Variants in CCDC13 observed in about 807,000 individuals in gnomAD.
CCDC13 encodes the protein coiled-coil domain-containing protein 13.
CCDC13 carries 70 observed loss-of-function variants against 87.3 expected under a neutral mutation model. The ratio of observed to expected loss-of-function variants is 0.80; its 90% CI spans 0.66 to 0.98. The LOEUF is 0.98. Ranked by LOEUF, CCDC13 falls within the 50% of genes least tolerant of loss-of-function variation. The pLI, the probability that CCDC13 is intolerant of heterozygous loss-of-function variation, is 0.00. For missense variants in CCDC13, 842 were observed against 892.0 expected (o/e 0.94, Z 0.71); for synonymous variants, 317 against 360.3 (o/e 0.88, Z 1.36).
chr3:42,706,061 T>G lies in CCDC13; in HGVS notation c.*2919A>C, dbSNP rs890393507. On this transcript the variant is annotated 3_prime_UTR_variant, in exon 16 of 16. Coordinates refer to ENST00000310232, the MANE Select transcript of CCDC13 (RefSeq NM_144719.4). Reference sequence around the variant, plus strand: ...TCCCCACCCAGCTCCATCATGGCGTTTCCCACACCTCTGATTGGACTGGAA... The same window carrying G: ...TCCCCACCCAGCTCCATCATGGCGTGTCCCACACCTCTGATTGGACTGGAA... 6.6e-6 allele frequency: 1 copy of G among 152,244 alleles called. No individual in the cohort carries two copies. Among genetic ancestry groups the G allele is most frequent in the African/African-American group, 2.4e-5 (1 of 41,428 alleles). The allele number at this position is 152,244 out of a possible 1,614,324, so 9.4% of individuals were successfully genotyped here. A position where few individuals can be genotyped will look rare whatever the true frequency, so the allele number is the denominator to read the frequency against.
At chr3:42,721,785 T>C (rs939638385) in intron 13 of CCDC13, among the ~76,000 whole-genome samples, 2 of 152,232 alleles carry the variant, frequency 1.3e-5, no homozygotes, top group African/African-American at 4.8e-5. Flanking sequence ...TGCTTTCCTT[T>C]AAGGAATCAA....
intron 13 of CCDC13, among the ~76,000 whole-genome samples, chr3:42,727,945 C>T (rs1698726914): frequency 6.6e-6 from 1 of 152,016 alleles, no homozygotes; most frequent in African/African-American, 2.4e-5. Context: ...TTAAATATTA[C>T]CAAAATCAAA....
chr3:42,732,983 G>T lies in CCDC13; in HGVS notation c.1512-13C>A. 1 of 1,550,390 alleles carries T rather than the reference G, an allele frequency of 6.4e-7. No homozygotes were observed. The highest frequency in any genetic ancestry group is 2.4e-5 in the East Asian group (1 of 40,902). On this transcript the variant is annotated splice_polypyrimidine_tract_variant and intron_variant, in intron 11 of 15. Coordinates refer to ENST00000310232, the MANE Select transcript of CCDC13 (RefSeq NM_144719.4). ...GCTGGTCACAGAGCTGTGTAAAGGC[G>T]GAAGGGGCCCATCAGCCTGGGAAGG...
chr3:42,704,145 A>C (rs1454723959), downstream of CCDC13: 1 of 152,036 alleles, frequency 6.6e-6, no homozygotes, highest in Non-Finnish European at 1.5e-5. Flanking sequence ...TAATGTCACC[A>C]CAGCCCATAG....
intron 5 of CCDC13, chr3:42,749,864 C>T (rs979621145): frequency 4.4e-6 from 2 of 456,718 alleles, no homozygotes; most frequent in Non-Finnish European, 8.8e-6. Context: ...TGTTCAGCTC[C>T]ACTCTGGAAT....
rs1447917018 is a variant in CCDC13 at position 42,747,314 on chromosome 3, C to G, written c.663G>C (p.Met221Ile). ...QDRLVATNLK[M>I]SDLRNQIQSV... ...ACTGGATCTGGTTTCGGAGGTCACT[C>G]ATCTTCAAGTTGGTGGCCACCAGCC... The change falls in exon 6 of 16, where the codon ATG becomes ATC. Residue 221 changes from methionine (M) to isoleucine (I), a missense_variant. Transcript: ENST00000310232. 1 of 1,614,158 alleles carries G rather than the reference C, an allele frequency of 6.2e-7. No homozygotes were observed. The highest frequency in any genetic ancestry group is 1.7e-5 in the Admixed American group (1 of 60,028).
At chr3:42,742,668 G>C (rs1699257031) in intron 8 of CCDC13, among the ~76,000 whole-genome samples, 1 of 152,082 alleles carries the variant, frequency 6.6e-6, no homozygotes, top group South Asian at 2.1e-4. Flanking sequence ...AGCCAGGATG[G>C]GGCCACGAAA....
chr3:42,754,069 A>C (rs942219257), intron 3 of CCDC13, among the ~76,000 whole-genome samples: 1 of 152,188 alleles, frequency 6.6e-6, no homozygotes, highest in African/African-American at 2.4e-5. Flanking sequence ...GATGGTCTGC[A>C]AGTTTCCTGA....
intron 9 of CCDC13, among the ~76,000 whole-genome samples, chr3:42,736,995 T>C (rs918041693): frequency 6.6e-6 from 1 of 152,204 alleles, no homozygotes; most frequent in African/African-American, 2.4e-5. Context: ...ACATATGCCA[T>C]GTTGGTTTGC....
intron 3 of CCDC13, among the ~76,000 whole-genome samples, chr3:42,754,742 C>G (rs1239241894): frequency 6.6e-6 from 1 of 152,184 alleles, no homozygotes; most frequent in Non-Finnish European, 1.5e-5. Flanking sequence ...AATTCTGGAA[C>G]TGGCTATCAG....
chr3:42,744,647 T>TA (rs1400026554), intron 7 of CCDC13, among the ~76,000 whole-genome samples: 1 of 151,438 alleles, frequency 6.6e-6, no homozygotes, highest in East Asian at 1.9e-4. Flanking sequence ...CTACTAAAAA[T>TA]ACAAAAAATT....
intron 14 of CCDC13, among the ~76,000 whole-genome samples, 177 bp from the exon 15 acceptor site, chr3:42,709,975 C>G (rs1698269029): frequency 6.6e-6 from 1 of 152,184 alleles, no homozygotes; most frequent in Admixed American, 6.5e-5. Context: ...CTGATGCCTC[C>G]TCTGCATGCC....
At chr3:42,732,764 CT>C in intron 12 of CCDC13, 122 bp downstream of exon 12, 1 of 793,176 alleles carries the variant, frequency 1.3e-6, no homozygotes, top group Non-Finnish European at 2.0e-6. Flanking sequence ...TTTATGTAAC[CT>C]TGGAAGAGTC....
chr3:42,711,073 C>T lies in CCDC13; in HGVS notation c.1874-1275G>A, dbSNP rs528923174. Reference sequence around the variant, plus strand: ...CCAGCCCGGCCAACATGGTAAAACACCATCATTACTAAAAATACATAAATT... The same window carrying T: ...CCAGCCCGGCCAACATGGTAAAACATCATCATTACTAAAAATACATAAATT... On this transcript the variant is annotated intron_variant, in intron 14 of 15. Coordinates refer to ENST00000310232, the MANE Select transcript of CCDC13 (RefSeq NM_144719.4). 2.1e-4 allele frequency among the ~76,000 whole-genome samples: 32 copies of T among 152,046 alleles called. No homozygotes were observed. The East Asian group carries it at 3.9e-3, about 18-fold the overall frequency.
chr3:42,733,157 C>T (rs936118668), intron 11 of CCDC13, among the ~76,000 whole-genome samples, 187 bp from the exon 12 acceptor site: 4 of 152,244 alleles, frequency 2.6e-5, no homozygotes, highest in African/African-American at 9.6e-5. Flanking sequence ...ACAGGAGACA[C>T]CAGAGCCTTG....
chr3:42,726,105 C>T (rs1024223524), intron 13 of CCDC13, among the ~76,000 whole-genome samples: 9 of 152,064 alleles, frequency 5.9e-5, no homozygotes, highest in Admixed American at 1.3e-4. Context: ...AGTGGAGTGG[C>T]GTGATCTTGG....
intron 1 of CCDC13, among the ~76,000 whole-genome samples, chr3:42,766,264 G>A (rs1699929958): frequency 6.6e-6 from 1 of 152,102 alleles, no homozygotes; most frequent in Non-Finnish European, 1.5e-5. Context: ...TGGGTCTGGG[G>A]TTCAGAAGGG....
intron 13 of CCDC13, among the ~76,000 whole-genome samples, chr3:42,728,828 AC>A (rs1217249862): frequency 6.6e-6 from 1 of 152,120 alleles, no homozygotes; most frequent in Non-Finnish European, 1.5e-5. Flanking sequence ...GAACCCAAGG[AC>A]CCAAAAAGGG....
rs764648124 is a variant in CCDC13 at position 42,735,712 on chromosome 3, C to T, written c.1366G>A (p.Val456Met). Residue 456 changes from valine (V) to methionine (M), a missense_variant, in exon 10 of 16, where the codon GTG becomes ATG. Transcript: ENST00000310232. ...GCTGCCAGTGCCCTACTCACGTGCA[C>T]ATTGAGTTGTCCGATCTCCATCTCC... ...QLEMEIGQLN[V>M]HYLRNKGVGE... The T allele has an allele frequency of 6.2e-7, 1 of 1,613,994 alleles. No individual in the cohort carries two copies. The highest frequency in any genetic ancestry group is 1.3e-5 in the African/African-American group (1 of 74,940).
Sources: allele counts gnomAD v4.1 joint callset (sites outside exome capture counted in the v4.1 genomes callset), GRCh38; gene constraint gnomAD v4.1.1; transcripts MANE v1.5; gene names NCBI Gene and HGNC (gene_info 2026-07-23, HGNC 2026-07-21).